LSR: variants seen among roughly 807,000 people sequenced by gnomAD.
LSR encodes lipolysis-stimulated lipoprotein receptor.
LSR carries 44 observed loss-of-function variants against 61.8 expected under a neutral mutation model. The ratio of observed to expected loss-of-function variants is 0.71; its 90% CI spans 0.56 to 0.91. LSR has a LOEUF of 0.91. Among genes scored for constraint, LSR ranks in the 40% least tolerant of loss-of-function variants. The pLI, the probability that LSR is intolerant of heterozygous loss-of-function variation, is 0.00. For synonymous variants in LSR, 397 were observed against 350.6 expected (o/e 1.13, Z -1.48); for missense variants, 911 against 830.5 (o/e 1.10, Z -1.19).
chr19:35,252,975 C>G (rs1244781420), intron 2 of LSR, among the ~76,000 whole-genome samples: 2 of 151,992 alleles, frequency 1.3e-5, no homozygotes, highest in Admixed American at 6.6e-5. Context: ...GAGTCATGAT[C>G]GTGCCACTGC....
rs2066037706 is a variant in LSR at position 35,267,610 on chromosome 19, A to G, written c.1646A>G (p.Lys549Arg). ...DGRLLEEAVR[K>R]KGSEERRRPH... ...CGGCTACTGGAGGAGGCTGTGAGGA[A>G]GAAGGGGTCGGAGGAGAGGAGGAGA... The change falls in exon 9 of 10, where the codon AAG becomes AGG. Residue 549 changes from lysine to arginine, a missense_variant. Physicochemically the swap from Lys to Arg is conservative, Grantham distance 26. Transcript: ENST00000605618. The G allele has an allele frequency of 1.9e-6, 3 of 1,612,390 alleles. No individual in the cohort carries two copies. The highest frequency in any genetic ancestry group is 2.2e-5 in the East Asian group (1 of 44,864).
chr19:35,261,902 C>T, intron 3 of LSR, 23 bp from the exon 4 acceptor site: 1 of 1,434,208 alleles, frequency 7.0e-7, no homozygotes, highest in South Asian at 1.6e-5. Context: ...CCAGCATAAT[C>T]TGTTTCTCTT....
rs368381642 is a variant in LSR, at chr19:35,250,578, G to T, written c.373G>T (p.Val125Phe). 3 of 1,612,484 alleles carry T rather than the reference G, an allele frequency of 1.9e-6. No individual in the cohort carries two copies. Among genetic ancestry groups the T allele is most frequent in the South Asian group, 1.1e-5 (1 of 90,948 alleles). ...TGAGTGCCAGGACAGCGTGCGCACCGTCAGGGTCGTGGCCACCAAGCAGGG... is the reference window on the plus strand; with the variant it reads ...TGAGTGCCAGGACAGCGTGCGCACCTTCAGGGTCGTGGCCACCAAGCAGGG... ...YVECQDSVRT[V>F]RVVATKQGNA... Residue 125 changes from valine (V) to phenylalanine (F), a missense_variant, in exon 2 of 10, where the codon GTC becomes TTC. Physicochemically the swap from Val to Phe is conservative, Grantham distance 50 (BLOSUM62 -1). Transcript: ENST00000605618.
At position 35,267,218 on chromosome 19, in the gene LSR, G is replaced by C. The variant is rs2066021117; in HGVS notation, c.1254G>C (p.Arg418=). Residue 418 remains arginine (R), a synonymous_variant, in exon 9 of 10, where the codon CGG becomes CGC. Coordinates refer to ENST00000605618, the MANE Select transcript of LSR (RefSeq NM_205834.4). The stretch of plus-strand genomic sequence containing the variant: ...AGGAGTGGGGTGGCCACTCCCCCCG[G>C]AGTCCCAGGGGATGGGACCAGGAGC... ...RDEEWGGHSP[R]SPRGWDQEPA... 2 of 1,521,676 alleles carry C rather than the reference G, an allele frequency of 1.3e-6. No individual in the cohort carries two copies. The highest frequency in any genetic ancestry group is 4.5e-5 in the East Asian group (2 of 44,002). 94.3% of individuals were successfully genotyped at this position (1,521,676 alleles called of 1,614,324 possible).
Position 35,249,051 on chromosome 19 carries a change from G to C in LSR, c.29G>C (p.Arg10Thr), listed in dbSNP as rs769632724. 1.9e-6 allele frequency: 3 copies of C among 1,585,034 alleles called. No individual in the cohort carries two copies. Among genetic ancestry groups the C allele is most frequent in the East Asian group, 4.6e-5 (2 of 43,556 alleles). MALLAGGLS[R>T]GLGSHPAAAG... ...GCGCTGTTGGCCGGCGGGCTCTCCA[G>C]AGGGCTGGGCTCCCACCCGGCCGCC... The change falls in exon 1 of 10, where the codon AGA becomes ACA. Residue 10 changes from arginine (R) to threonine (T), a missense_variant. By Grantham distance (71) the Arg-to-Thr change is moderately conservative. Transcript: ENST00000605618.
chr19:35,249,302 A>T, intron 1 of LSR, 171 bp downstream of exon 1: 1 of 781,486 alleles, frequency 1.3e-6, no homozygotes. Context: ...GGAATTCCCC[A>T]TTTGTGCCGG....
chr19:35,249,807 A>G (rs1002954651), intron 1 of LSR, among the ~76,000 whole-genome samples: 3 of 152,096 alleles, frequency 2.0e-5, no homozygotes, highest in Non-Finnish European at 4.4e-5. Context: ...TGGGAGGCTG[A>G]TGGAGATATT....
At chr19:35,256,961 A>C (rs1248016195) in intron 2 of LSR, among the ~76,000 whole-genome samples, 4 of 151,692 alleles carry the variant, frequency 2.6e-5, no homozygotes, top group African/African-American at 7.3e-5. Context: ...CTCAGCCTCC[A>C]GGGTAGCTGG....
rs1424371240 is a variant in LSR, at chr19:35,266,984, G to C, written c.1144+17G>C. On this transcript the variant is annotated intron_variant, in intron 8 of 9. Transcript: ENST00000605618. ...TGGAGCGGGGTAAGCAGGAGCCTTG[G>C]GGTCTGAGGGCTTTTAAGGTGGGGG... 5 of 1,599,666 alleles carry C rather than the reference G, an allele frequency of 3.1e-6. No individual in the cohort carries two copies. The highest frequency in any genetic ancestry group is 4.3e-6 in the Non-Finnish European group (5 of 1,174,142).
In LSR at chr19:35,250,337, G is replaced by A. The variant is rs899396862; in HGVS notation, c.132G>A (p.Val44=). 9.0e-6 allele frequency: 14 copies of A among 1,557,646 alleles called. No homozygotes were observed. Among genetic ancestry groups the A allele is most frequent in the Non-Finnish European group, 1.2e-5 (14 of 1,144,640 alleles). The part of the protein sequence containing the change: ...WCTAPARAIQ[V]TVSNPYHVVI... ...CAGCTCCTGCCAGGGCCATCCAGGTGACCGTGTCCAACCCCTACCACGTGG... is the reference window on the plus strand; with the variant it reads ...CAGCTCCTGCCAGGGCCATCCAGGTAACCGTGTCCAACCCCTACCACGTGG... The change falls in exon 2 of 10, where the codon GTG becomes GTA. Residue 44 remains valine (V), a synonymous_variant. Transcript: ENST00000605618.
At chr19:35,261,416 G>A (rs1375518252) in intron 3 of LSR, among the ~76,000 whole-genome samples, 1 of 152,210 alleles carries the variant, frequency 6.6e-6, no homozygotes, top group Non-Finnish European at 1.5e-5. Context: ...GGTGACACAT[G>A]CCTGTAGCCC....
intron 2 of LSR, among the ~76,000 whole-genome samples, chr19:35,257,607 G>A (rs2065872021): frequency 6.6e-6 from 1 of 152,124 alleles, no homozygotes; most frequent in African/African-American, 2.4e-5. Flanking sequence ...TCATGCAGGA[G>A]GGCAGCGCGT....
At position 35,263,494 on chromosome 19, in the gene LSR, T is replaced by C. The variant is rs555241561; in HGVS notation, c.778+802T>C. ...CCTCAGCCTCTGGAGCAGCTGGGACTGTAGGCACACACCACCATGCCCAGC... is the reference window on the plus strand; with the variant it reads ...CCTCAGCCTCTGGAGCAGCTGGGACCGTAGGCACACACCACCATGCCCAGC... On this transcript the variant is annotated intron_variant, in intron 5 of 9. Transcript: ENST00000605618. Among the ~76,000 whole-genome samples, 250 of 152,222 alleles carry C rather than the reference T, an allele frequency of 1.6e-3. 1 individual carries two copies. The highest frequency in any genetic ancestry group is 6.0e-3 in the African/African-American group (248 of 41,538).
At chr19:35,263,352 T>A (rs2065955636) in intron 5 of LSR, among the ~76,000 whole-genome samples, 1 of 152,122 alleles carries the variant, frequency 6.6e-6, no homozygotes, top group Non-Finnish European at 1.5e-5. Context: ...ACTACATGAT[T>A]TAAGCAAAAA....
At chr19:35,262,100 A>G in intron 4 of LSR, 119 bp downstream of exon 4, 1 of 962,454 alleles carries the variant, frequency 1.0e-6, no homozygotes, top group Non-Finnish European at 1.5e-6. Flanking sequence ...ACCCCTCACT[A>G]ACCTGGCCTG....
chr19:35,254,378 G>A (rs530033669), intron 2 of LSR, among the ~76,000 whole-genome samples: 8 of 152,328 alleles, frequency 5.3e-5, no homozygotes, highest in African/African-American at 1.9e-4. Context: ...TTACAGATGT[G>A]AGCCACCATG....
intron 3 of LSR, among the ~76,000 whole-genome samples, chr19:35,261,224 C>T (rs1417927823): frequency 6.6e-6 from 1 of 152,152 alleles, no homozygotes; most frequent in East Asian, 1.9e-4. Flanking sequence ...AGATGGAGAC[C>T]TTGTGGGTCC....
At chr19:35,263,267 T>A (rs2065954168) in intron 5 of LSR, among the ~76,000 whole-genome samples, 1 of 150,308 alleles carries the variant, frequency 6.7e-6, no homozygotes, top group Non-Finnish European at 1.5e-5. Context: ...GGCGACAGAG[T>A]GAGACTCTGT....
intron 5 of LSR, chr19:35,263,113 TCTACTAAAAA>T (rs2065952263): frequency 6.3e-6 from 1 of 157,702 alleles, no homozygotes; most frequent in Admixed American, 6.3e-5. Flanking sequence ...AACCCAGTTC[TCTACTAAAAA>T]TACAAAAATT....
Sources: allele counts gnomAD v4.1 joint callset (sites outside exome capture counted in the v4.1 genomes callset), GRCh38; gene constraint gnomAD v4.1.1; transcripts MANE v1.5; gene names NCBI Gene and HGNC (gene_info 2026-07-23, HGNC 2026-07-21).